Variants in PTPRR observed in about 807,000 individuals in gnomAD.
The protein encoded by PTPRR is protein tyrosine phosphatase receptor type R.
In PTPRR, 38 loss-of-function variants were observed where a neutral mutation model predicts 77.2. That is an observed-to-expected ratio of 0.49 (90% confidence interval 0.38 to 0.65). The LOEUF (loss-of-function observed/expected upper bound fraction) is 0.65, where lower values mean the gene tolerates loss of function less well. Ranked by LOEUF, PTPRR falls within the 30% of genes least tolerant of loss-of-function variation. PTPRR has a pLI of 0.00. For synonymous variants in PTPRR, 299 were observed against 283.1 expected (o/e 1.06, Z -0.57); for missense variants, 744 against 799.2 (o/e 0.93, Z 0.83).
chr12:70,639,381 G>C, intron 13 of PTPRR, 104 bp from the exon 14 acceptor site: 1 of 1,433,944 alleles, frequency 7.0e-7, no homozygotes, highest in Non-Finnish European at 9.4e-7. Flanking sequence ...AAGACACATA[G>C]AACAGTCGAC....
intron 5 of PTPRR, among the ~76,000 whole-genome samples, chr12:70,753,915 A>T (rs1325316384): frequency 6.6e-6 from 1 of 152,174 alleles, no homozygotes; most frequent in African/African-American, 2.4e-5. Context: ...CAGTGACCTC[A>T]GTAAATCACT....
chr12:70,778,732 T>C (rs1007996141), intron 2 of PTPRR, among the ~76,000 whole-genome samples: 8 of 152,240 alleles, frequency 5.3e-5, no homozygotes, highest in African/African-American at 1.9e-4. Context: ...CTGAATTCTG[T>C]CAATTTATTC....
intron 2 of PTPRR, among the ~76,000 whole-genome samples, chr12:70,867,697 A>G (rs1205983800): frequency 1.3e-5 from 2 of 152,170 alleles, no homozygotes; most frequent in African/African-American, 4.8e-5. Context: ...TTTAAACTTC[A>G]TATGGAACCA....
intron 2 of PTPRR, among the ~76,000 whole-genome samples, chr12:70,867,694 T>C (rs1244240184): frequency 6.6e-6 from 1 of 152,028 alleles, no homozygotes; most frequent in Admixed American, 6.6e-5. Context: ...TACTTTAAAC[T>C]TCATATGGAA....
intron 6 of PTPRR, among the ~76,000 whole-genome samples, chr12:70,705,070 G>A (rs1888568485): frequency 1.3e-5 from 2 of 152,012 alleles, no homozygotes; most frequent in Non-Finnish European, 1.5e-5. Flanking sequence ...CAAATTCTTA[G>A]GGAAAGGTAA....
intron 2 of PTPRR, among the ~76,000 whole-genome samples, chr12:70,856,849 G>A (rs564175916): frequency 5.8e-4 from 86 of 148,848 alleles, no homozygotes; most frequent in Middle Eastern, 3.5e-3. Context: ...GAGAGAGGGG[G>A]AGAGAGAGAG....
intron 2 of PTPRR, among the ~76,000 whole-genome samples, chr12:70,778,694 G>GT (rs1037677272): frequency 2.9e-4 from 43 of 147,144 alleles, no homozygotes; most frequent in Admixed American, 6.7e-4. Context: ...TTTCTCTAAT[G>GT]TTTTTTTTTA....
intron 10 of PTPRR, among the ~76,000 whole-genome samples, chr12:70,680,164 TC>T (rs1286311443): frequency 6.6e-6 from 1 of 152,190 alleles, no homozygotes; most frequent in East Asian, 1.9e-4. Context: ...GACTTTCCCT[TC>T]CCCCATCCAC....
intron 2 of PTPRR, among the ~76,000 whole-genome samples, chr12:70,873,471 T>C (rs1223390781): frequency 6.6e-6 from 1 of 152,224 alleles, no homozygotes; most frequent in Non-Finnish European, 1.5e-5. Context: ...CTGGATGAGA[T>C]GCCCATCTCT....
At chr12:70,690,942 A>T (rs565202387) in intron 8 of PTPRR, among the ~76,000 whole-genome samples, 1 of 152,264 alleles carries the variant, frequency 6.6e-6, no homozygotes, top group African/African-American at 2.4e-5. Flanking sequence ...ATTTTTCACC[A>T]TCTTTATAAG....
chr12:70,785,389 C>T (rs1891300345), intron 2 of PTPRR, among the ~76,000 whole-genome samples: 1 of 152,110 alleles, frequency 6.6e-6, no homozygotes, highest in African/African-American at 2.4e-5. Flanking sequence ...CTTTCACATC[C>T]CCTAATAACA....
intron 2 of PTPRR, among the ~76,000 whole-genome samples, chr12:70,812,348 C>T (rs997791076): frequency 1.6e-4 from 25 of 152,188 alleles, no homozygotes; most frequent in African/African-American, 6.0e-4. Context: ...TTCAGAGGTG[C>T]CACAATGCAA....
At chr12:70,675,960 A>G (rs1297683782) in intron 10 of PTPRR, among the ~76,000 whole-genome samples, 2 of 150,874 alleles carry the variant, frequency 1.3e-5, no homozygotes, top group Non-Finnish European at 3.0e-5. Flanking sequence ...AGTTCCAGAG[A>G]TGTGTCTAGC....
intron 1 of PTPRR, among the ~76,000 whole-genome samples, chr12:70,913,547 A>G (rs1007951949): frequency 2.0e-5 from 3 of 152,168 alleles, no homozygotes; most frequent in Non-Finnish European, 2.9e-5. Flanking sequence ...TAAAGTAAAA[A>G]AAAAATCTCA....
In PTPRR at chr12:70,879,332, CTCCT is replaced by C. The variant is rs1461550504; in HGVS notation, c.357+13343_357+13346del. On this transcript the variant is annotated intron_variant, in intron 2 of 13. Coordinates refer to ENST00000283228, the MANE Select transcript of PTPRR (RefSeq NM_002849.4). Reference sequence around the variant, plus strand: ...AAGGTATCCTTTTGTAGTTACCTCCCTCCTTGTTTATTTTTAATGTTGATAAACA... The same window carrying C: ...AAGGTATCCTTTTGTAGTTACCTCCCTGTTTATTTTTAATGTTGATAAACA... Among the ~76,000 whole-genome samples, 5 of 152,048 alleles carry C rather than the reference CTCCT, an allele frequency of 3.3e-5. No individual in the cohort carries two copies. The East Asian group carries it at 9.7e-4, about 29-fold the overall frequency.
intron 1 of PTPRR, among the ~76,000 whole-genome samples, chr12:70,917,897 G>T (rs770547544): frequency 7.9e-5 from 12 of 152,300 alleles, no homozygotes; most frequent in Non-Finnish European, 1.6e-4. Context: ...TAAAGCAGTT[G>T]CTGATACCCT....
chr12:70,806,183 A>G (rs1891706239), intron 2 of PTPRR, among the ~76,000 whole-genome samples: 1 of 152,150 alleles, frequency 6.6e-6, no homozygotes, highest in Non-Finnish European at 1.5e-5. Context: ...TCCAAATCCT[A>G]TGTATATTGG....
chr12:70,770,325 C>T (rs887362343), intron 2 of PTPRR, among the ~76,000 whole-genome samples: 23 of 152,108 alleles, frequency 1.5e-4, no homozygotes, highest in Non-Finnish European at 2.9e-4. Context: ...AAAAAACAAA[C>T]AACCCCATCA....
At chr12:70,817,480 A>G (rs1891925309) in intron 2 of PTPRR, among the ~76,000 whole-genome samples, 1 of 152,210 alleles carries the variant, frequency 6.6e-6, no homozygotes, top group South Asian at 2.1e-4. Context: ...GAGCCATAAT[A>G]TCTGTAACAC....
Sources: gnomAD v4.1 joint callset for allele counts (sites outside exome capture counted in the v4.1 genomes callset) on GRCh38, gnomAD v4.1.1 for gene constraint, MANE v1.5 for transcripts, NCBI Gene and HGNC (gene_info 2026-07-23, HGNC 2026-07-21) for gene names.